PLD3: variants seen among roughly 807,000 people sequenced by gnomAD.
The protein encoded by PLD3 is phospholipase D family member 3.
A neutral mutation model predicts 58.4 loss-of-function variants in PLD3; 31 were observed. That is an observed-to-expected ratio of 0.53 (90% CI 0.40 to 0.72). The LOEUF (loss-of-function observed/expected upper bound fraction) is 0.72, where lower values mean the gene tolerates loss of function less well. PLD3 is among the 30% of genes least tolerant of loss of function. The pLI is 0.00. For missense variants in PLD3, 595 were observed against 659.8 expected (o/e 0.90, Z 1.08); for synonymous variants, 264 against 273.4 (o/e 0.97, Z 0.34).
intron 6 of PLD3, 162 bp from the exon 7 acceptor site, chr19:40,369,746 G>T: frequency 1.6e-6 from 1 of 643,166 alleles, no homozygotes; most frequent in Non-Finnish European, 2.5e-6. Flanking sequence ...AACAGATAAG[G>T]AAGTCTTTTA....
intron 9 of PLD3, among the ~76,000 whole-genome samples, chr19:40,373,002 C>T (rs781254147): frequency 3.3e-5 from 5 of 152,210 alleles, no homozygotes; most frequent in Admixed American, 6.5e-5. Flanking sequence ...CACTGGCTCT[C>T]GCCATGGCAG....
intron 1 of PLD3, among the ~76,000 whole-genome samples, chr19:40,361,213 C>T (rs940225565): frequency 2.0e-5 from 3 of 152,194 alleles, no homozygotes; most frequent in South Asian, 4.2e-4. Flanking sequence ...TGGGTTCAAG[C>T]GATTCTCCTG....
chr19:40,377,421 G>T (rs1158507569), intron 11 of PLD3, among the ~76,000 whole-genome samples: 3 of 142,942 alleles, frequency 2.1e-5, no homozygotes, highest in Non-Finnish European at 4.7e-5. Context: ...GAGGGGTCAG[G>T]GCCAGGGTCG....
In PLD3 at chr19:40,370,096, C is replaced by T. The variant is rs1168676516; in HGVS notation, c.551-14C>T. On this transcript the variant is annotated splice_polypyrimidine_tract_variant and intron_variant, in intron 7 of 12. Coordinates refer to ENST00000409735, the MANE Select transcript of PLD3 (RefSeq NM_012268.4). ...CCCAGCCTGGCCCCTGATCTCTGCC[C>T]CTGCTGGTCACAGGTGCCCAGGTCC... 6.2e-7 allele frequency: 1 copy of T among 1,603,352 alleles called. No homozygotes were observed. The highest frequency in any genetic ancestry group is 2.3e-5 in the East Asian group (1 of 44,386).
chr19:40,353,981 G>A (rs1293076708), intron 1 of PLD3, among the ~76,000 whole-genome samples: 1 of 151,202 alleles, frequency 6.6e-6, no homozygotes, highest in Non-Finnish European at 1.5e-5. Flanking sequence ...TGCAGACCAA[G>A]CTCCCAGGCT....
At chr19:40,375,096 C>T (rs111424060) in intron 10 of PLD3, among the ~76,000 whole-genome samples, 2,975 of 151,676 alleles carry the variant, frequency 0.02, 45 homozygotes, top group Non-Finnish European at 0.029. Flanking sequence ...GTGAAGGTTG[C>T]AGTGAGTTGA....
intron 1 of PLD3, among the ~76,000 whole-genome samples, chr19:40,361,459 C>T (rs767797920): frequency 9.9e-5 from 15 of 152,174 alleles, no homozygotes; most frequent in Admixed American, 2.0e-4. Flanking sequence ...ATCATCCTTC[C>T]CTGCTGGGAA....
chr19:40,352,160 C>A (rs1396694889), intron 1 of PLD3, among the ~76,000 whole-genome samples: 1 of 151,778 alleles, frequency 6.6e-6, no homozygotes, highest in Non-Finnish European at 1.5e-5. Flanking sequence ...GTAATCCCAG[C>A]TACTCAGGAG....
At chr19:40,369,479 A>T (rs1040032227) in intron 6 of PLD3, among the ~76,000 whole-genome samples, 3 of 152,240 alleles carry the variant, frequency 2.0e-5, no homozygotes, top group African/African-American at 7.2e-5. Context: ...TTCGCTGAGA[A>T]GAGGCCTAGA....
At chr19:40,370,065 G>A (rs1346493549) in intron 7 of PLD3, 37 bp downstream of exon 7, 4 of 1,579,614 alleles carry the variant, frequency 2.5e-6, no homozygotes, top group Non-Finnish European at 3.4e-6. Context: ...TCTGGGCCTG[G>A]GGGTACCCAG....
In PLD3 at chr19:40,377,898, A is replaced by G; in HGVS notation, c.1285+13A>G. ...GCCACCTACATCGGTGAGTGTCTTG[A>G]GCACCACGGGGCGCTGAAGAAGAGG... is the stretch of plus-strand genomic sequence containing the variant. On this transcript the variant is annotated intron_variant, in intron 12 of 12. Transcript: ENST00000409735. 6.2e-7 allele frequency: 1 copy of G among 1,613,652 alleles called. No homozygotes were observed. Among genetic ancestry groups the G allele is most frequent in the Non-Finnish European group, 8.5e-7 (1 of 1,179,634 alleles).
At chr19:40,349,128 A>G (rs1268285636) in intron 1 of PLD3, among the ~76,000 whole-genome samples, 1 of 152,030 alleles carries the variant, frequency 6.6e-6, no homozygotes, top group East Asian at 1.9e-4. Flanking sequence ...TCATCGCCAT[A>G]TGTTACCTGC....
intron 1 of PLD3, chr19:40,357,826 C>T (rs937490624): frequency 6.6e-6 from 1 of 152,206 alleles, no homozygotes; most frequent in African/African-American, 2.4e-5. Flanking sequence ...ACACAGATCT[C>T]ACCAACTAGC....
chr19:40,370,916 T>G (rs764766928), intron 8 of PLD3: 2 of 152,284 alleles, frequency 1.3e-5, no homozygotes, highest in African/African-American at 2.4e-5. Context: ...CAATGCAGAC[T>G]GGCCTGTCAC....
chr19:40,370,313 C>G lies in PLD3; in HGVS notation c.678+76C>G. On this transcript the variant is annotated intron_variant, in intron 8 of 12. Transcript: ENST00000409735. ...GGGCACCCAGCCTCCGACTGCATCC[C>G]TCACTCAATCCAGAGTCCTCTCCAC... 2.7e-6 allele frequency: 4 copies of G among 1,487,150 alleles called. No individual in the cohort carries two copies. In the South Asian group the frequency reaches 5.0e-5, roughly 19 times the overall value. The allele number at this position is 1,487,150 out of a possible 1,614,324, so 92.1% of individuals were successfully genotyped here. A position where few individuals can be genotyped will look rare whatever the true frequency, so the allele number is the denominator to read the frequency against.
chr19:40,366,412 C>A lies in PLD3; in HGVS notation c.-65-7C>A. 7.3e-7 allele frequency: 1 copy of A among 1,373,652 alleles called. No individual in the cohort carries two copies. The highest frequency in any genetic ancestry group is 1.4e-5 in the African/African-American group (1 of 70,224). 85.1% of individuals were successfully genotyped at this position (1,373,652 alleles called of 1,614,324 possible). Reference sequence around the variant, plus strand: ...ACCCCACACAGTGCCCACTTTTGTTCTGCCAGTTTGGAGACCCTGACACAC... The same window carrying A: ...ACCCCACACAGTGCCCACTTTTGTTATGCCAGTTTGGAGACCCTGACACAC... On this transcript the variant is annotated splice_polypyrimidine_tract_variant and splice_region_variant and intron_variant, in intron 2 of 12. Coordinates refer to ENST00000409735, the MANE Select transcript of PLD3 (RefSeq NM_012268.4).
intron 9 of PLD3, among the ~76,000 whole-genome samples, chr19:40,373,065 C>G (rs1052622520): frequency 2.0e-5 from 3 of 152,172 alleles, no homozygotes; most frequent in Admixed American, 1.3e-4. Context: ...GATAGTTTCA[C>G]TAGTTGAGGC....
Position 40,361,995 on chromosome 19 carries a change from C to G in PLD3, c.-278-3723C>G, listed in dbSNP as rs1453877154. Among the ~76,000 whole-genome samples the G allele has an allele frequency of 3.9e-5, 6 of 152,108 alleles. No homozygotes were observed. The South Asian group carries it at 6.2e-4, about 16-fold the overall frequency. On this transcript the variant is annotated intron_variant, in intron 1 of 12. Transcript: ENST00000409735. Reference sequence around the variant, plus strand: ...GAGATTACAGGCGCCCTCCAACACGCCCGGCTAATTTTTGTATTTTTAGTA... The same window carrying G: ...GAGATTACAGGCGCCCTCCAACACGGCCGGCTAATTTTTGTATTTTTAGTA...
chr19:40,366,434 A>G lies in PLD3; in HGVS notation c.-50A>G. On this transcript the variant is annotated 5_prime_UTR_variant, in exon 3 of 13. Coordinates refer to ENST00000409735, the MANE Select transcript of PLD3 (RefSeq NM_012268.4). ...GTTCTGCCAGTTTGGAGACCCTGAC[A>G]CACCCACCTTCTCACCTGGGCTCTG... 6.3e-7 allele frequency: 1 copy of G among 1,587,266 alleles called. No homozygotes were observed. Among genetic ancestry groups the G allele is most frequent in the South Asian group, 1.1e-5 (1 of 90,510 alleles).
Sources: gnomAD v4.1 joint callset for allele counts (sites outside exome capture counted in the v4.1 genomes callset) on GRCh38, gnomAD v4.1.1 for gene constraint, MANE v1.5 for transcripts, NCBI Gene and HGNC (gene_info 2026-07-23, HGNC 2026-07-21) for gene names.